RASSF5: variants seen among roughly 807,000 people sequenced by gnomAD.
The protein encoded by RASSF5 is Ras association domain family member 5, also known as ras association domain-containing protein 5.
A neutral mutation model predicts 40.5 loss-of-function variants in RASSF5; 25 were observed. The ratio of observed to expected loss-of-function variants is 0.62; its 90% CI spans 0.45 to 0.86. The LOEUF (loss-of-function observed/expected upper bound fraction) is 0.86, where lower values mean the gene tolerates loss of function less well. Ranked by LOEUF, RASSF5 falls within the 40% of genes least tolerant of loss-of-function variation. The probability of loss-of-function intolerance (pLI) is 0.00; values close to 1 mark genes in which losing one functional copy is unlikely to be tolerated. For synonymous variants in RASSF5, 246 were observed against 252.4 expected, an observed-to-expected ratio of 0.97 and a Z score of 0.24; for missense variants, 521 against 572.8, an observed-to-expected ratio of 0.91 and a Z score of 0.92.
rs116774525 is a variant in RASSF5, at chr1:206,528,905, A to G, written c.458-9267A>G. The G allele has an allele frequency of 2.1e-3, 1,176 of 562,218 alleles. 10 individuals carry two copies. The highest frequency in any genetic ancestry group is 0.02 in the African/African-American group (1,034 of 52,464). 34.8% of individuals were successfully genotyped at this position (562,218 alleles called of 1,614,324 possible). On this transcript the variant is annotated intron_variant, in intron 1 of 5. Transcript: ENST00000579436. ...ATTAAAAAATTAGCTCTCTCCTCGC[A>G]TTGCCCAAGATGCTGAAAGGAAAGA...
intron 2 of RASSF5, among the ~76,000 whole-genome samples, chr1:206,559,382 A>T (rs573017712): frequency 3.3e-5 from 5 of 152,326 alleles, no homozygotes; most frequent in Admixed American, 3.3e-4. Flanking sequence ...AGTGGAAAAG[A>T]TAACCGTTTC....
intron 1 of RASSF5, among the ~76,000 whole-genome samples, chr1:206,521,626 T>C (rs1553396121): frequency 6.6e-6 from 1 of 152,248 alleles, no homozygotes; most frequent in Non-Finnish European, 1.5e-5. Context: ...ACAAATATAC[T>C]CTAGGCTAAC....
intron 2 of RASSF5, among the ~76,000 whole-genome samples, chr1:206,540,462 G>C (rs1667516959): frequency 6.6e-6 from 1 of 152,266 alleles, no homozygotes; most frequent in Non-Finnish European, 1.5e-5. Flanking sequence ...CATTGCAGAG[G>C]AAGGAGCCAA....
intron 1 of RASSF5, among the ~76,000 whole-genome samples, chr1:206,525,635 GT>G (rs1377230915): frequency 1.3e-5 from 2 of 151,998 alleles, no homozygotes; most frequent in Non-Finnish European, 2.9e-5. Flanking sequence ...AAACAAAATT[GT>G]TTTAATTGTT....
At chr1:206,543,565 ATGTG>A (rs59506240) in intron 2 of RASSF5, 77,890 of 149,670 alleles carry the variant, frequency 0.52, 20,139 homozygotes, top group East Asian at 0.72. Context: ...GTGTGTGTGT[ATGTG>A]TGTGTGTGTG....
chr1:206,569,577 A>C (rs1668384311), intron 2 of RASSF5, among the ~76,000 whole-genome samples: 1 of 152,262 alleles, frequency 6.6e-6, no homozygotes, highest in Non-Finnish European at 1.5e-5. Context: ...GGGCCACCTC[A>C]GTCTGCTGGC....
At position 206,546,089 on chromosome 1, in the gene RASSF5, ATTTTTTTTTTTTTTTTTTTT is replaced by A. The variant is rs10603701; in HGVS notation, c.579+7814_579+7833del. ...TTTTTCTTTTCTTTCTTCTTTTTCT[ATTTTTTTTTTTTTTTTTTTT>A]TTTTTTTTTTTTTTTTTGGGACAGG... On this transcript the variant is annotated intron_variant, in intron 2 of 5. Coordinates refer to ENST00000579436, the MANE Select transcript of RASSF5 (RefSeq NM_182663.4). Among the ~76,000 whole-genome samples, 81 of 48,232 alleles carry A rather than the reference ATTTTTTTTTTTTTTTTTTTT, an allele frequency of 1.7e-3. 2 individuals carry two copies. Among genetic ancestry groups the A allele is most frequent in the African/African-American group, 6.1e-3 (75 of 12,340 alleles). 31.6% of individuals were successfully genotyped at this position (48,232 alleles called of 152,430 possible).
chr1:206,583,540 GC>G, intron 3 of RASSF5, 161 bp downstream of exon 3: 1 of 607,418 alleles, frequency 1.6e-6, no homozygotes, highest in Non-Finnish European at 3.0e-6. Context: ...GATAGCCAGA[GC>G]CCTCAGTGGC....
intron 1 of RASSF5, among the ~76,000 whole-genome samples, chr1:206,522,102 T>A (rs1553396193): frequency 6.6e-6 from 1 of 152,132 alleles, no homozygotes; most frequent in Non-Finnish European, 1.5e-5. Context: ...CCAGTATATA[T>A]CTTTACTGAG....
At chr1:206,568,456 C>T (rs564370501) in intron 2 of RASSF5, among the ~76,000 whole-genome samples, 1 of 152,240 alleles carries the variant, frequency 6.6e-6, no homozygotes, top group East Asian at 1.9e-4. Context: ...TGGCTGCTGG[C>T]GCAAGTCTCA....
Position 206,512,091 on chromosome 1 carries a change from G to A in RASSF5, c.457+4032G>A, listed in dbSNP as rs17046483. Reference sequence around the variant, plus strand: ...CGTGTGTTTTCCTTGATTTAGCCCCGTGTTTGGCTTTAGAGTTTAAGAAAA... The same window carrying A: ...CGTGTGTTTTCCTTGATTTAGCCCCATGTTTGGCTTTAGAGTTTAAGAAAA... On this transcript the variant is annotated intron_variant, in intron 1 of 5. Transcript: ENST00000579436. Among the ~76,000 whole-genome samples, 1,519 of 152,194 alleles carry A rather than the reference G, an allele frequency of 1.0e-2. 24 individuals carry two copies. The highest frequency in any genetic ancestry group is 0.035 in the African/African-American group (1,432 of 41,494).
chr1:206,529,747 ATAC>A lies in RASSF5; in HGVS notation c.458-8421_458-8419del, dbSNP rs1667188587. 7.8e-6 allele frequency: 4 copies of A among 510,080 alleles called. No individual in the cohort carries two copies. In the Admixed American group the frequency reaches 1.3e-4, roughly 16 times the overall value. The allele number at this position is 510,080 out of a possible 1,614,324, so 31.6% of individuals were successfully genotyped here. ...TTTTCTGTACATAAAAATAATTAAA[ATAC>A]TACAATTTTTCCTTCAAAAAAAAAA... is the stretch of plus-strand genomic sequence containing the variant. On this transcript the variant is annotated intron_variant, in intron 1 of 5. Transcript: ENST00000579436.
chr1:206,521,025 A>G (rs2103506935), intron 1 of RASSF5, among the ~76,000 whole-genome samples: 1 of 152,354 alleles, frequency 6.6e-6, no homozygotes, highest in Admixed American at 6.5e-5. Context: ...ACATAAACTC[A>G]CAAACACATT....
At chr1:206,542,954 A>T (rs1368483673) in intron 2 of RASSF5, 1 of 152,208 alleles carries the variant, frequency 6.6e-6, no homozygotes, top group African/African-American at 2.4e-5. Flanking sequence ...GCTCACACCT[A>T]TAATGTCAGC....
chr1:206,521,984 T>C (rs1235850124), intron 1 of RASSF5, among the ~76,000 whole-genome samples: 2 of 152,250 alleles, frequency 1.3e-5, no homozygotes, highest in African/African-American at 4.8e-5. Context: ...GGCTTGTTGC[T>C]ATTTGTTGAG....
chr1:206,541,285 C>T (rs547966961), intron 2 of RASSF5, among the ~76,000 whole-genome samples: 1 of 152,298 alleles, frequency 6.6e-6, no homozygotes, highest in Admixed American at 6.5e-5. Flanking sequence ...TCTTCCTGAA[C>T]ATTCATACAT....
At chr1:206,512,879 C>A (rs947568408) in intron 1 of RASSF5, among the ~76,000 whole-genome samples, 1 of 152,226 alleles carries the variant, frequency 6.6e-6, no homozygotes, top group African/African-American at 2.4e-5. Flanking sequence ...AAAGTGTTTT[C>A]ATGCCCGCTG....
At chr1:206,583,092 C>T (rs1553406688) in intron 2 of RASSF5, 177 bp from the exon 3 acceptor site, 1 of 554,890 alleles carries the variant, frequency 1.8e-6, no homozygotes, top group African/African-American at 1.9e-5. Flanking sequence ...TGGCTAGACA[C>T]TGGCACAGCT....
At chr1:206,578,952 T>A (rs561782429) in intron 2 of RASSF5, among the ~76,000 whole-genome samples, 6 of 152,310 alleles carry the variant, frequency 3.9e-5, no homozygotes, top group African/African-American at 1.4e-4. Flanking sequence ...TGCCCTGAGT[T>A]AGGCCCCAGA....
Sources: allele counts gnomAD v4.1 joint callset (sites outside exome capture counted in the v4.1 genomes callset), GRCh38; gene constraint gnomAD v4.1.1; transcripts MANE v1.5; gene names NCBI Gene and HGNC (gene_info 2026-07-23, HGNC 2026-07-21).